SYTL2: variants seen among roughly 807,000 people sequenced by gnomAD.
SYTL2 encodes synaptotagmin-like protein 2.
Under a neutral mutation model 198.7 loss-of-function variants are expected in SYTL2, and 165 were observed. The ratio of observed to expected loss-of-function variants is 0.83; its 90% CI spans 0.73 to 0.94. SYTL2 has a LOEUF of 0.94. Ranked by LOEUF, SYTL2 falls within the 40% of genes least tolerant of loss-of-function variation. The pLI is 0.00. For synonymous variants in SYTL2, 966 were observed against 917.7 expected, an observed-to-expected ratio of 1.05 and a Z score of -0.95; for missense variants, 2,835 against 2,582.8, an observed-to-expected ratio of 1.10 and a Z score of -2.12.
At chr11:85,744,540 A>ATTTAT in intron 4 of SYTL2, among the ~76,000 whole-genome samples, 1 of 152,192 alleles carries the variant, frequency 6.6e-6, no homozygotes, top group East Asian at 1.9e-4. Context: ...CCCTTAGAGT[A>ATTTAT]CCCATAGAGT....
At chr11:85,723,294 C>T (rs1173545285) in intron 8 of SYTL2, among the ~76,000 whole-genome samples, 1 of 152,132 alleles carries the variant, frequency 6.6e-6, no homozygotes, top group Non-Finnish European at 1.5e-5. Context: ...ATGTACCTGG[C>T]CAGGCAATGC....
At chr11:85,832,255 T>C in the SYTL2 span, among the ~76,000 whole-genome samples, 1 of 152,158 alleles carries the variant, frequency 6.6e-6, no homozygotes. Context: ...ATAACAACCA[T>C]ATGAGGTGGG....
chr11:85,716,407 G>A (rs290190), intron 11 of SYTL2: 86,884 of 151,954 alleles, frequency 0.57, 25,455 homozygotes, highest in Non-Finnish European at 0.64. Flanking sequence ...GTCAAGTCAT[G>A]TGCCAAAGTT....
the SYTL2 span, among the ~76,000 whole-genome samples, chr11:85,827,100 G>A: frequency 6.6e-6 from 1 of 152,172 alleles, no homozygotes; most frequent in South Asian, 2.1e-4. Flanking sequence ...GGGACCTGGT[G>A]GCTTTCAATC....
chr11:85,850,468 A>G, the SYTL2 span, among the ~76,000 whole-genome samples: 14 of 151,684 alleles, frequency 9.2e-5, no homozygotes, highest in Non-Finnish European at 1.9e-4. Flanking sequence ...AATCAAAACC[A>G]CTATGAGATA....
chr11:85,722,837 G>A (rs1216875506), intron 8 of SYTL2, among the ~76,000 whole-genome samples: 5 of 151,394 alleles, frequency 3.3e-5, no homozygotes, highest in African/African-American at 1.2e-4. Flanking sequence ...TTTTTAGAGG[G>A]GCTTCAACTT....
chr11:85,761,602 C>G (rs1001256145), intron 1 of SYTL2, among the ~76,000 whole-genome samples: 1 of 152,190 alleles, frequency 6.6e-6, no homozygotes, highest in South Asian at 2.1e-4. Flanking sequence ...TACTTGGTCC[C>G]TTCTACACAT....
chr11:85,768,864 A>G (rs1472594551), intron 1 of SYTL2, among the ~76,000 whole-genome samples: 1 of 152,198 alleles, frequency 6.6e-6, no homozygotes, highest in Non-Finnish European at 1.5e-5. Context: ...CCTGGACCCC[A>G]ATCTCAGAGA....
At chr11:85,791,605 C>T (rs2092731816) in intron 1 of SYTL2, among the ~76,000 whole-genome samples, 1 of 152,148 alleles carries the variant, frequency 6.6e-6, no homozygotes, top group South Asian at 2.1e-4. Flanking sequence ...ATCTAACTGC[C>T]ATCTGTTCCC....
Position 85,725,031 on chromosome 11 carries a change from T to C in SYTL2, c.4327A>G (p.Thr1443Ala). ...FYSSNVVPDK[T>A]HEVGSYLAAQ... Reference sequence around the variant, plus strand: ...GCTAAATAAGATCCAACTTCATGAGTTTTATCAGGAACTACATTGGAGGAA... The same window carrying C: ...GCTAAATAAGATCCAACTTCATGAGCTTTATCAGGAACTACATTGGAGGAA... The change falls in exon 8 of 20, where the codon ACT (threonine) becomes GCT (alanine). Residue 1443 changes from threonine (T) to alanine (A), a missense_variant. By Grantham distance (58) the Thr-to-Ala change is moderately conservative. Around this residue, in one of 3 missense-constraint regions of SYTL2, gnomAD observed 2,645 missense variants for 2,381.7 expected, o/e 1.11. Transcript: ENST00000359152. 1 of 1,613,938 alleles carries C rather than the reference T, an allele frequency of 6.2e-7. No individual in the cohort carries two copies.
At chr11:85,835,871 A>G in the SYTL2 span, among the ~76,000 whole-genome samples, 3 of 152,176 alleles carry the variant, frequency 2.0e-5, no homozygotes, top group African/African-American at 4.8e-5. Context: ...TTTCTGGGAC[A>G]AGGTTTGAGA....
At chr11:85,795,683 A>T (rs1023073286) in intron 1 of SYTL2, among the ~76,000 whole-genome samples, 5 of 152,198 alleles carry the variant, frequency 3.3e-5, no homozygotes, top group African/African-American at 1.2e-4. Flanking sequence ...TCTTCCTTAT[A>T]TTTCTACAAT....
At chr11:85,700,663 T>C (rs1356202767) in intron 16 of SYTL2, 70 bp from the exon 17 acceptor site, 1 of 1,121,746 alleles carries the variant, frequency 8.9e-7, no homozygotes, top group African/African-American at 1.5e-5. Flanking sequence ...TAGGTCTCAT[T>C]ACAGAACCAT....
chr11:85,735,823 A>G (rs1229546464), intron 6 of SYTL2, among the ~76,000 whole-genome samples: 2 of 152,134 alleles, frequency 1.3e-5, no homozygotes, highest in African/African-American at 4.8e-5. Context: ...TCTACAAAAT[A>G]TTTTATGTAA....
At chr11:85,721,776 T>C (rs544207899) in intron 8 of SYTL2, among the ~76,000 whole-genome samples, 15 of 152,306 alleles carry the variant, frequency 9.8e-5, no homozygotes, top group African/African-American at 3.6e-4. Flanking sequence ...CCTAGTACAT[T>C]CCATAGCAAA....
At chr11:85,708,083 A>G (rs2085526452) in intron 14 of SYTL2, 3 of 422,174 alleles carry the variant, frequency 7.1e-6, no homozygotes, top group East Asian at 1.5e-4. Context: ...GAATCGCTTG[A>G]ACCCGGGAGG....
intron 4 of SYTL2, among the ~76,000 whole-genome samples, chr11:85,739,675 CTA>C (rs1279150650): frequency 1.3e-5 from 2 of 152,134 alleles, no homozygotes; most frequent in Non-Finnish European, 2.9e-5. Flanking sequence ...TGCATCATCT[CTA>C]TGTTATCTAT....
intron 1 of SYTL2, among the ~76,000 whole-genome samples, chr11:85,767,261 G>C (rs572444149): frequency 2.0e-5 from 3 of 152,338 alleles, no homozygotes; most frequent in African/African-American, 7.2e-5. Flanking sequence ...TAACATTGGA[G>C]CTAGGACATG....
chr11:85,823,768 T>G, the SYTL2 span, among the ~76,000 whole-genome samples: 1 of 152,210 alleles, frequency 6.6e-6, no homozygotes, highest in East Asian at 1.9e-4. Flanking sequence ...AAAATATTGA[T>G]GCAAAGCTTT....
Sources: gnomAD v4.1 joint callset for allele counts (sites outside exome capture counted in the v4.1 genomes callset) on GRCh38, gnomAD v4.1.1 for gene constraint, gnomAD v4.1.1 regional missense constraint, MANE v1.5 for transcripts, NCBI Gene and HGNC (gene_info 2026-07-23, HGNC 2026-07-21) for gene names.